The following COL20A1 variants were observed in gnomAD, a reference collection of about 807,000 sequenced individuals.
COL20A1 encodes the protein collagen alpha-1(XX) chain.
Under a neutral mutation model 152.9 loss-of-function variants are expected in COL20A1, and 164 were observed. That is an observed-to-expected ratio of 1.07 (90% CI 0.94 to 1.22). COL20A1 has a LOEUF of 1.22. Among genes scored for constraint, COL20A1 ranks in the 50% most tolerant of loss-of-function variants. The pLI is 0.00. For missense variants in COL20A1, 1,873 were observed against 1,744.8 expected, an observed-to-expected ratio of 1.07 and a Z score of -1.31; for synonymous variants, 864 against 756.0, an observed-to-expected ratio of 1.14 and a Z score of -2.34.
rs376721997 is a variant in COL20A1, at chr20:63,311,436, C to T, written c.1436C>T (p.Thr479Met). The change falls in exon 12 of 36, where the codon ACG (threonine) becomes ATG (methionine). Residue 479 changes from threonine to methionine, a missense_variant. Physicochemically the swap from Thr to Met is moderately conservative, Grantham distance 81. Transcript: ENST00000358894. The surrounding 1 kb of genome is among the most constrained non-coding windows in gnomAD (Gnocchi z 4.4). ...PPRALTLAAVTPRTVHLTWQP... is the reference protein window; with the variant it reads ...PPRALTLAAVMPRTVHLTWQP... The stretch of plus-strand genomic sequence containing the variant: ...CGGGCGCTGACCCTGGCCGCAGTGA[C>T]GCCCAGAACCGTCCACCTCACCTGG... 6.4e-5 allele frequency: 100 copies of T among 1,574,148 alleles called. No homozygotes were observed. The highest frequency in any genetic ancestry group is 7.9e-5 in the Non-Finnish European group (92 of 1,160,550).
At position 63,295,152 on chromosome 20, in the gene COL20A1, G is replaced by C; in HGVS notation, c.45G>C (p.Leu15=). The C allele has an allele frequency of 6.4e-7, 1 of 1,555,210 alleles. No individual in the cohort carries two copies. Among genetic ancestry groups the C allele is most frequent in the Non-Finnish European group, 8.7e-7 (1 of 1,149,764 alleles). The change falls in exon 2 of 36, where the codon CTG becomes CTC. Residue 15 remains leucine (L), a synonymous_variant. Transcript: ENST00000358894. ...DPAHLGLCLW[L]WLGATLGREQ... is the part of the protein sequence containing the mutation. ...CACACCTCGGCCTCTGCCTCTGGCT[G>C]TGGCTGGGCGCCACCCTGGGAAGAG...
intron 10 of COL20A1, 29 bp downstream of exon 10, chr20:63,309,944 G>A (rs376170843): frequency 7.0e-6 from 11 of 1,564,076 alleles, no homozygotes; most frequent in African/African-American, 5.4e-5. Flanking sequence ...AGGGCTCCCC[G>A]AGCCGGTCCT....
rs775122316 is a variant in COL20A1, at chr20:63,328,498, G to A, written c.3781G>A (p.Gly1261Arg). The change falls in exon 34 of 36, where the codon GGG (glycine) becomes AGG (arginine). Residue 1261 changes from glycine (G) to arginine (R), a missense_variant and splice_region_variant. Gly to Arg is a moderately radical substitution (Grantham distance 125). Coordinates refer to ENST00000358894, the MANE Select transcript of COL20A1 (RefSeq NM_020882.4). ...TGGTGGCCGCCACCTTGAGGGCAGAGGTACTGGGCTCCTGGCTCTTGGGGA... is the reference window on the plus strand; with the variant it reads ...TGGTGGCCGCCACCTTGAGGGCAGAAGTACTGGGCTCCTGGCTCTTGGGGA... The part of the protein sequence containing the change: ...GRGGRHLEGR[G>R]EPGAVGQMGS... 13 of 1,607,110 alleles carry A rather than the reference G, an allele frequency of 8.1e-6. No homozygotes were observed. The highest frequency in any genetic ancestry group is 1.1e-5 in the Non-Finnish European group (13 of 1,176,362).
At chr20:63,300,422 T>A (rs946491285) in intron 3 of COL20A1, among the ~76,000 whole-genome samples, 1 of 152,188 alleles carries the variant, frequency 6.6e-6, no homozygotes, top group Non-Finnish European at 1.5e-5. Context: ...GATTTTCTAA[T>A]TTTTTTGGTC....
At chr20:63,312,703 T>C in intron 15 of COL20A1, 89 bp from the exon 16 acceptor site, 1 of 1,464,814 alleles carries the variant, frequency 6.8e-7, no homozygotes, top group Non-Finnish European at 9.2e-7. Context: ...TGGATGGGGG[T>C]ATAGGGTGCT....
rs552337741 is a variant in COL20A1, at chr20:63,313,043, A to T, written c.2077-74A>T. The T allele has an allele frequency of 1.7e-5, 26 of 1,550,654 alleles. No individual in the cohort carries two copies. In the African/African-American group the frequency reaches 3.4e-4, roughly 20 times the overall value. ...TGTGCGCCCACCCTGTCTCCCAGGG[A>T]TGCCTCACTGCCCGGCCCCCCAACC... On this transcript the variant is annotated intron_variant, in intron 16 of 35. Coordinates refer to ENST00000358894, the MANE Select transcript of COL20A1 (RefSeq NM_020882.4). The surrounding 1 kb of genome is among the most constrained non-coding windows in gnomAD (Gnocchi z 5.9).
chr20:63,320,198 G>T lies in COL20A1; in HGVS notation c.3075+1G>T, dbSNP rs2068142636. 2 of 1,590,690 alleles carry T rather than the reference G, an allele frequency of 1.3e-6. No individual in the cohort carries two copies. The highest frequency in any genetic ancestry group is 1.7e-6 in the Non-Finnish European group (2 of 1,171,260). ...GGGCCCCCGGAGCAGTTCGGCCGCG[G>T]TGAGTTGGGCCCTGCCCACCTGCTG... On this transcript the variant is annotated splice_donor_variant, in intron 24 of 35. Coordinates refer to ENST00000358894, the MANE Select transcript of COL20A1 (RefSeq NM_020882.4). LOFTEE classifies it high-confidence loss of function.
chr20:63,295,146 C>T lies in COL20A1; in HGVS notation c.39C>T (p.Leu13=), dbSNP rs771591733. 6.4e-7 allele frequency: 1 copy of T among 1,554,906 alleles called. No homozygotes were observed. The highest frequency in any genetic ancestry group is 8.7e-7 in the Non-Finnish European group (1 of 1,149,544). Residue 13 remains leucine (L), a synonymous_variant, in exon 2 of 36, where the codon CTC becomes CTT. Transcript: ENST00000358894. Reference sequence around the variant, plus strand: ...ACCCTGCACACCTCGGCCTCTGCCTCTGGCTGTGGCTGGGCGCCACCCTGG... The same window carrying T: ...ACCCTGCACACCTCGGCCTCTGCCTTTGGCTGTGGCTGGGCGCCACCCTGG... ...SGDPAHLGLC[L]WLWLGATLGR...
chr20:63,324,878 G>A (rs905299917), intron 27 of COL20A1: 3 of 187,848 alleles, frequency 1.6e-5, no homozygotes, highest in Non-Finnish European at 3.4e-5. Flanking sequence ...TTGGGGTCCA[G>A]GGCTTAAGAA....
At chr20:63,304,617 C>G (rs2067900498) in intron 3 of COL20A1, among the ~76,000 whole-genome samples, 1 of 147,828 alleles carries the variant, frequency 6.8e-6, no homozygotes, top group Non-Finnish European at 1.5e-5. Flanking sequence ...CCCTTCCTCC[C>G]TCCAGCTGCG....
At chr20:63,293,854 C>T (rs1423684404) in intron 1 of COL20A1, among the ~76,000 whole-genome samples, 3 of 98,824 alleles carry the variant, frequency 3.0e-5, no homozygotes, top group Non-Finnish European at 5.9e-5. Context: ...GGTGGGGATA[C>T]TGGGGTCACA....
At chr20:63,307,400 C>A in intron 5 of COL20A1, 90 bp from the exon 6 acceptor site, 1 of 1,303,470 alleles carries the variant, frequency 7.7e-7, no homozygotes, top group South Asian at 1.4e-5. Context: ...CTGCCTCACT[C>A]TTGTGGCTGG....
In COL20A1 at chr20:63,313,376, A is replaced by C. The variant is rs891364365; in HGVS notation, c.2209+127A>C. 8 of 1,060,784 alleles carry C rather than the reference A, an allele frequency of 7.5e-6. No individual in the cohort carries two copies. The East Asian group carries it at 1.6e-4, about 21-fold the overall frequency. 65.7% of individuals were successfully genotyped at this position (1,060,784 alleles called of 1,614,324 possible). A position where few individuals can be genotyped will look rare whatever the true frequency, so the allele number is the denominator to read the frequency against. ...AACTGCTGGCTCCAGAGCCCTGATC[A>C]CTGGGCCTGGTCGTTGGAGTCTGCA... On this transcript the variant is annotated intron_variant, in intron 17 of 35. Coordinates refer to ENST00000358894, the MANE Select transcript of COL20A1 (RefSeq NM_020882.4). This position sits in a 1 kb window ranked among gnomAD's most constrained non-coding sequence, Gnocchi z 5.9.
In COL20A1 at chr20:63,313,917, GC is replaced by G. The variant is rs1568778047; in HGVS notation, c.2358+30del. 1 of 1,584,792 alleles carries G rather than the reference GC, an allele frequency of 6.3e-7. No homozygotes were observed. The highest frequency in any genetic ancestry group is 1.8e-5 in the Admixed American group (1 of 56,820). On this transcript the variant is annotated intron_variant, in intron 18 of 35. Transcript: ENST00000358894. The surrounding 1 kb of genome is among the most constrained non-coding windows in gnomAD (Gnocchi z 5.9). Reference sequence around the variant, plus strand: ...GTGAGTCTTGGTAGAGCCTGAGGCTGCCCCACCTCGTGGGGCCTCCTGGAAG... The same window carrying G: ...GTGAGTCTTGGTAGAGCCTGAGGCTGCCCACCTCGTGGGGCCTCCTGGAAG...
At position 63,329,467 on chromosome 20, in the gene COL20A1, A is replaced by G. The variant is rs76283480; in HGVS notation, c.3782-118A>G. On this transcript the variant is annotated intron_variant, in intron 34 of 35. Transcript: ENST00000358894. Reference sequence around the variant, plus strand: ...GCCCCTAGATCTCAGACTCCCATCTAAGGACCAGACCTGCTGCCTGTGCCC... The same window carrying G: ...GCCCCTAGATCTCAGACTCCCATCTGAGGACCAGACCTGCTGCCTGTGCCC... 9,755 of 752,444 alleles carry G rather than the reference A, an allele frequency of 0.013. 575 individuals are homozygous for G. In the African/African-American group the frequency reaches 0.14, roughly 10 times the overall value. 46.6% of individuals were successfully genotyped at this position (752,444 alleles called of 1,614,324 possible).
In COL20A1 at chr20:63,311,679, T is replaced by C. The variant is rs1214587162; in HGVS notation, c.1594T>C (p.Tyr532His). The change falls in exon 13 of 36, where the codon TAT becomes CAT. Residue 532 changes from tyrosine (Y) to histidine (H), a missense_variant. Tyr to His is a moderately conservative substitution (Grantham distance 83). Coordinates refer to ENST00000358894, the MANE Select transcript of COL20A1 (RefSeq NM_020882.4). This position sits in a 1 kb window ranked among gnomAD's most constrained non-coding sequence, Gnocchi z 4.4. ...GGATGGCCTGGAACCTGGCAGGGAC[T>C]ATGAGGTCTCGGTGCAGAGCCTGCG... ...LLDGLEPGRDYEVSVQSLRGP... is the reference protein window; with the variant it reads ...LLDGLEPGRDHEVSVQSLRGP... The C allele has an allele frequency of 6.2e-7, 1 of 1,607,946 alleles. No homozygotes were observed. Among genetic ancestry groups the C allele is most frequent in the East Asian group, 2.2e-5 (1 of 44,776 alleles).
intron 3 of COL20A1, among the ~76,000 whole-genome samples, chr20:63,304,492 T>TC (rs2067898777): frequency 4.6e-5 from 3 of 65,076 alleles, no homozygotes; most frequent in East Asian, 4.4e-4. Context: ...TCCCTCCTCT[T>TC]CTCCCTGCAG....
At chr20:63,324,963 C>A (rs1347096972) in intron 27 of COL20A1, 4 of 267,388 alleles carry the variant, frequency 1.5e-5, no homozygotes, top group South Asian at 9.8e-5. Flanking sequence ...CAGCGCCCCC[C>A]ACACCCCGTT....
intron 15 of COL20A1, 21 bp from the exon 16 acceptor site, chr20:63,312,771 C>T (rs2068027667): frequency 6.5e-7 from 1 of 1,531,330 alleles, no homozygotes; most frequent in Non-Finnish European, 8.8e-7. Flanking sequence ...CACCCCCAGC[C>T]TGTGTCTCCA....
Sources: gnomAD v4.1 joint callset for allele counts (sites outside exome capture counted in the v4.1 genomes callset) on GRCh38, gnomAD v4.1.1 for gene constraint, Gnocchi (gnomAD v3.1) non-coding constraint, MANE v1.5 for transcripts, NCBI Gene and HGNC (gene_info 2026-07-23, HGNC 2026-07-21) for gene names.